Variants in PSMB2 observed in about 807,000 individuals in gnomAD.
PSMB2 encodes the protein proteasome subunit beta type-2.
PSMB2 carries 13 observed loss-of-function variants against 25.7 expected under a neutral mutation model. The observed-to-expected ratio is 0.51, with a 90% CI of 0.33 to 0.80. PSMB2 has a LOEUF of 0.80. PSMB2 is among the 30% of genes least tolerant of loss of function. The pLI is 0.02. For synonymous variants in PSMB2, 87 were observed against 96.2 expected (o/e 0.90, Z 0.56); for missense variants, 202 against 259.0 (o/e 0.78, Z 1.51).
intron 1 of PSMB2, among the ~76,000 whole-genome samples, chr1:35,640,293 C>G (rs1260943403): frequency 1.3e-5 from 2 of 152,050 alleles, no homozygotes; most frequent in African/African-American, 4.8e-5. Context: ...TTATTAAGTA[C>G]CTGCCTAGTG....
chr1:35,617,765 T>C (rs1483982902), intron 3 of PSMB2, among the ~76,000 whole-genome samples: 2 of 152,178 alleles, frequency 1.3e-5, no homozygotes, highest in Non-Finnish European at 2.9e-5. Flanking sequence ...CCTGGAGAAT[T>C]AGGTGACTTC....
At chr1:35,619,507 T>C (rs1650613152) in intron 3 of PSMB2, among the ~76,000 whole-genome samples, 1 of 152,232 alleles carries the variant, frequency 6.6e-6, no homozygotes. Context: ...TTGACAGAGC[T>C]GTGAGGAATT....
intron 3 of PSMB2, among the ~76,000 whole-genome samples, chr1:35,630,610 T>G (rs1475940129): frequency 6.6e-6 from 1 of 152,214 alleles, no homozygotes; most frequent in Non-Finnish European, 1.5e-5. Flanking sequence ...AATCCATGAT[T>G]CCAACTATAT....
In PSMB2 at chr1:35,616,245, C is replaced by A. The variant is rs779585984; in HGVS notation, c.286-6837G>T. On this transcript the variant is annotated intron_variant, in intron 3 of 5. Coordinates refer to ENST00000373237, the MANE Select transcript of PSMB2 (RefSeq NM_002794.5). ...TTTCCAGGAAATCATGCTGCCTCCA[C>A]AAAATGGAAATTAGTGTAAAAATAT... Among the ~76,000 whole-genome samples the A allele has an allele frequency of 1.1e-3, 165 of 152,188 alleles. 1 individual carries two copies. The highest frequency in any genetic ancestry group is 2.0e-3 in the Non-Finnish European group (133 of 68,028).
Position 35,602,422 on chromosome 1 carries a change from TAAG to T in PSMB2, c.*842_*844del, listed in dbSNP as rs1406381852. 1 of 152,184 alleles carries T rather than the reference TAAG, an allele frequency of 6.6e-6. No individual in the cohort carries two copies. The highest frequency in any genetic ancestry group is 1.5e-5 in the Non-Finnish European group (1 of 68,050). The allele number at this position is 152,184 out of a possible 1,614,324, so 9.4% of individuals were successfully genotyped here. A position where few individuals can be genotyped will look rare whatever the true frequency, so the allele number is the denominator to read the frequency against. On this transcript the variant is annotated 3_prime_UTR_variant, in exon 6 of 6. Transcript: ENST00000373237. ...GTAACAGAATATCTCTTAAAAAACA[TAAG>T]AAATTAGTAGCTGAAGTTTCCTCCA...
intron 3 of PSMB2, among the ~76,000 whole-genome samples, chr1:35,630,683 G>A (rs923580465): frequency 1.3e-5 from 2 of 152,200 alleles, no homozygotes; most frequent in Non-Finnish European, 2.9e-5. Flanking sequence ...CAGGAGTTGT[G>A]GGGATGGAGA....
intron 3 of PSMB2, 70 bp downstream of exon 3, chr1:35,631,204 A>T: frequency 6.6e-7 from 1 of 1,505,674 alleles, no homozygotes; most frequent in Non-Finnish European, 9.2e-7. Flanking sequence ...CTACTCATGT[A>T]TAATGAGAAT....
intron 1 of PSMB2, among the ~76,000 whole-genome samples, chr1:35,641,060 C>T (rs192695356): frequency 6.6e-6 from 1 of 152,108 alleles, no homozygotes; most frequent in Non-Finnish European, 1.5e-5. Flanking sequence ...GGCGTGGTGG[C>T]GCATATCTGT....
At chr1:35,628,631 A>ATATTTTTTTTTTTTTTTT (rs1202256440) in intron 3 of PSMB2, among the ~76,000 whole-genome samples, 1 of 38,088 alleles carries the variant, frequency 2.6e-5, no homozygotes, top group African/African-American at 1.3e-4. Context: ...ATATATATAT[A>ATATTTTTTTTTTTTTTTT]TTTTTTTTTT....
chr1:35,633,494 T>C (rs1211461426), intron 2 of PSMB2, among the ~76,000 whole-genome samples: 1 of 152,124 alleles, frequency 6.6e-6, no homozygotes, highest in Non-Finnish European at 1.5e-5. Flanking sequence ...CCAAACACAG[T>C]TTTTGTCTGT....
rs1278391539 is a variant in PSMB2 at position 35,603,109 on chromosome 1, T to G, written c.*158A>C. On this transcript the variant is annotated 3_prime_UTR_variant, in exon 6 of 6. Transcript: ENST00000373237. ...CTCCATATCCTTTCTGAGGTAATATTAGGTAAACTGAGACCTGGACCAGAG... is the reference window on the plus strand; with the variant it reads ...CTCCATATCCTTTCTGAGGTAATATGAGGTAAACTGAGACCTGGACCAGAG... 3 of 1,414,712 alleles carry G rather than the reference T, an allele frequency of 2.1e-6. No homozygotes were observed. The highest frequency in any genetic ancestry group is 5.3e-5 in the East Asian group (2 of 37,874). The allele number at this position is 1,414,712 out of a possible 1,614,324, so 87.6% of individuals were successfully genotyped here. A position where few individuals can be genotyped will look rare whatever the true frequency, so the allele number is the denominator to read the frequency against.
intron 4 of PSMB2, among the ~76,000 whole-genome samples, chr1:35,608,113 C>A (rs370779301): frequency 1.3e-5 from 2 of 152,082 alleles, no homozygotes; most frequent in Non-Finnish European, 2.9e-5. Context: ...GCCTGTAATC[C>A]CAACACTTTG....
At chr1:35,605,665 C>A (rs1176528513) in intron 4 of PSMB2, among the ~76,000 whole-genome samples, 1 of 152,232 alleles carries the variant, frequency 6.6e-6, no homozygotes, top group Non-Finnish European at 1.5e-5. Context: ...CAGTCAGCTG[C>A]AAATCAGGGA....
Position 35,603,232 on chromosome 1 carries a change from A to C in PSMB2, c.*35T>G. On this transcript the variant is annotated 3_prime_UTR_variant, in exon 6 of 6. Transcript: ENST00000373237. ...AAAAAATAAAGGAGCCCATCAAAAA[A>C]AAGTTCCCTGGCAAGTGGGAGGGAG... 6.3e-7 allele frequency: 1 copy of C among 1,595,522 alleles called. No individual in the cohort carries two copies. The highest frequency in any genetic ancestry group is 1.1e-5 in the South Asian group (1 of 87,234).
chr1:35,601,534 G>A lies in PSMB2; in HGVS notation c.*1733C>T, dbSNP rs1413661742. 1 of 985,312 alleles carries A rather than the reference G, an allele frequency of 1.0e-6. No homozygotes were observed. The highest frequency in any genetic ancestry group is 1.7e-5 in the African/African-American group (1 of 57,320). 61.0% of individuals were successfully genotyped at this position (985,312 alleles called of 1,614,324 possible). On this transcript the variant is annotated 3_prime_UTR_variant, in exon 6 of 6. Transcript: ENST00000373237. ...CAATGATTAGCTTTCTTCTTATGGT[G>A]TAAGGCATTTATCATTGGCGTATTA...
intron 1 of PSMB2, among the ~76,000 whole-genome samples, chr1:35,639,463 C>G (rs1202929976): frequency 6.6e-6 from 1 of 152,138 alleles, no homozygotes; most frequent in African/African-American, 2.4e-5. Flanking sequence ...TGCTCTTGAA[C>G]TCATTAATTT....
intron 1 of PSMB2, among the ~76,000 whole-genome samples, chr1:35,639,429 CTTTCT>C (rs764883365): frequency 5.3e-5 from 8 of 152,260 alleles, no homozygotes; most frequent in Non-Finnish European, 8.8e-5. Flanking sequence ...CCATAGTTAT[CTTTCT>C]TTTATTACTC....
chr1:35,621,883 C>A (rs1650694844), intron 3 of PSMB2, among the ~76,000 whole-genome samples: 1 of 152,208 alleles, frequency 6.6e-6, no homozygotes, highest in Middle Eastern at 3.4e-3. Context: ...GTAGGCCCAG[C>A]TACTCGGGAG....
chr1:35,623,154 G>A (rs2148571205), intron 3 of PSMB2, among the ~76,000 whole-genome samples: 1 of 152,290 alleles, frequency 6.6e-6, no homozygotes, highest in East Asian at 1.9e-4. Flanking sequence ...CTCCAATGGG[G>A]CCAACATGAG....
Sources: allele counts gnomAD v4.1 joint callset (sites outside exome capture counted in the v4.1 genomes callset), GRCh38; gene constraint gnomAD v4.1.1; transcripts MANE v1.5; gene names NCBI Gene and HGNC (gene_info 2026-07-23, HGNC 2026-07-21).